GRAMD1A: variants seen among roughly 807,000 people sequenced by gnomAD.
GRAMD1A encodes the protein GRAM domain containing 1A.
In GRAMD1A, 50 loss-of-function variants were observed where a neutral mutation model predicts 92.0. The observed-to-expected ratio is 0.54, with a 90% CI of 0.43 to 0.69. The LOEUF (loss-of-function observed/expected upper bound fraction) is 0.69, where lower values mean the gene tolerates loss of function less well. GRAMD1A is among the 30% of genes least tolerant of loss of function. The pLI is 0.00. For missense variants in GRAMD1A, 819 were observed against 978.9 expected, an observed-to-expected ratio of 0.84 and a Z score of 2.18; for synonymous variants, 405 against 403.6, an observed-to-expected ratio of 1.00 and a Z score of -0.04.
intron 19 of GRAMD1A, chr19:35,024,774 C>T (rs1462118058): frequency 2.0e-5 from 3 of 152,104 alleles, no homozygotes; most frequent in Non-Finnish European, 4.4e-5. Flanking sequence ...TAGGCAGGGC[C>T]CCCCATCCTG....
At chr19:35,002,766 C>A (rs888989160) in intron 1 of GRAMD1A, 1 of 152,412 alleles carries the variant, frequency 6.6e-6, no homozygotes, top group Non-Finnish European at 1.5e-5. Context: ...AGTGCGGGCA[C>A]GGGAACAACT....
chr19:35,015,824 C>T lies in GRAMD1A; in HGVS notation c.1070C>T (p.Ala357Val), dbSNP rs368382914. ...SNSSSSTGEE[A>V]DLAALLPDLS... ...ATCCTCGGCTCTCCTCTGTCTCCAG[C>T]GGACTTGGCTGCCCTGCTTCCCGAC... Residue 357 changes from alanine to valine, a missense_variant and splice_region_variant, in exon 11 of 20, where the codon GCG becomes GTG. Around this residue, in one of 3 missense-constraint regions of GRAMD1A, gnomAD observed 577 missense variants for 674.6 expected, o/e 0.86. Coordinates refer to ENST00000317991, the MANE Select transcript of GRAMD1A (RefSeq NM_020895.5). 1.7e-5 allele frequency: 28 copies of T among 1,613,056 alleles called. No individual in the cohort carries two copies. Among genetic ancestry groups the T allele is most frequent in the South Asian group, 3.3e-5 (3 of 90,986 alleles).
At chr19:35,018,877 A>AGGCTGTGTGGAGCTCGG (rs1349873874) in intron 11 of GRAMD1A, among the ~76,000 whole-genome samples, 28 of 151,860 alleles carry the variant, frequency 1.8e-4, no homozygotes, top group African/African-American at 6.8e-4. Context: ...GGAGATGCTG[A>AGGCTGTGTGGAGCTCGG]GGCTGTGTGG....
chr19:35,015,793 G>C (rs766457367), intron 10 of GRAMD1A, 31 bp from the exon 11 acceptor site: 1 of 1,605,480 alleles, frequency 6.2e-7, no homozygotes. Context: ...AGTGGAGGCA[G>C]TCATCATCCT....
chr19:35,003,475 G>A (rs1243730283), intron 1 of GRAMD1A, among the ~76,000 whole-genome samples: 1 of 152,088 alleles, frequency 6.6e-6, no homozygotes, highest in African/African-American at 2.4e-5. Flanking sequence ...CGCAGGGTCC[G>A]CCCTTGAGTA....
chr19:35,016,393 G>A (rs1814753769), intron 11 of GRAMD1A, among the ~76,000 whole-genome samples: 1 of 150,022 alleles, frequency 6.7e-6, no homozygotes, highest in South Asian at 2.2e-4. Flanking sequence ...GGTCAGGAGT[G>A]TGAGACCAGC....
Position 35,023,343 on chromosome 19 carries a change from G to T in GRAMD1A, c.1961G>T (p.Gly654Val). The T allele has an allele frequency of 6.2e-7, 1 of 1,614,020 alleles. No individual in the cohort carries two copies. Among genetic ancestry groups the T allele is most frequent in the Non-Finnish European group, 8.5e-7 (1 of 1,179,862 alleles). Residue 654 changes from glycine (G) to valine (V), a missense_variant and splice_region_variant, in exon 18 of 20, where the codon GGC (glycine) becomes GTC (valine). By Grantham distance (109) the Gly-to-Val change is moderately radical. Transcript: ENST00000317991. ...ESWHSLALAK[G>V]KFPQTATEWA... ...TGGCACAGCCTGGCCCTGGCCAAGGGGTGAGTGGGTAGCCTGGGGAAATGG... is the reference window on the plus strand; with the variant it reads ...TGGCACAGCCTGGCCCTGGCCAAGGTGTGAGTGGGTAGCCTGGGGAAATGG...
chr19:34,995,111 T>G (rs7253477), intron 1 of GRAMD1A, among the ~76,000 whole-genome samples: 7,911 of 152,256 alleles, frequency 0.052, 240 homozygotes, highest in African/African-American at 0.072. Context: ...TTGTTTGTCT[T>G]GGGAGGGGCA....
In GRAMD1A at chr19:35,009,349, G is replaced by T; in HGVS notation, c.219+20G>T. ...AGCAAGGTTGGTGCAAGCCCAGGTG[G>T]GGTGGGGAGAGGGCTAGTGGGGGCT... On this transcript the variant is annotated intron_variant, in intron 2 of 19. Coordinates refer to ENST00000317991, the MANE Select transcript of GRAMD1A (RefSeq NM_020895.5). 2 of 1,613,754 alleles carry T rather than the reference G, an allele frequency of 1.2e-6. No homozygotes were observed. Among genetic ancestry groups the T allele is most frequent in the Non-Finnish European group, 1.7e-6 (2 of 1,179,680 alleles).
intron 13 of GRAMD1A, among the ~76,000 whole-genome samples, chr19:35,020,401 A>G (rs941000623): frequency 6.6e-6 from 1 of 151,958 alleles, no homozygotes; most frequent in African/African-American, 2.4e-5. Flanking sequence ...AGTCGGGGGT[A>G]GTGATGCACG....
chr19:35,000,577 G>C lies in GRAMD1A; in HGVS notation c.8+91G>C. On this transcript the variant is annotated intron_variant, in intron 1 of 19. Transcript: ENST00000317991. This position sits in a 1 kb window ranked among gnomAD's most constrained non-coding sequence, Gnocchi z 4.9. ...GCCGCGGGCTTGGGGAGGGGGCGGA[G>C]CGGCCGCTGCAGAGGTCGGGGGCCT... 2.9e-6 allele frequency: 3 copies of C among 1,045,014 alleles called. No homozygotes were observed. Among genetic ancestry groups the C allele is most frequent in the Non-Finnish European group, 3.6e-6 (3 of 822,352 alleles). The allele number at this position is 1,045,014 out of a possible 1,614,324, so 64.7% of individuals were successfully genotyped here.
At chr19:35,014,093 C>A in intron 9 of GRAMD1A, 96 bp from the exon 10 acceptor site, 1 of 1,178,688 alleles carries the variant, frequency 8.5e-7, no homozygotes, top group Non-Finnish European at 1.3e-6. Flanking sequence ...CACCCCGGGT[C>A]TGCACAGGCT....
chr19:35,023,137 T>C, intron 17 of GRAMD1A, 99 bp from the exon 18 acceptor site: 1 of 899,314 alleles, frequency 1.1e-6, no homozygotes, highest in Non-Finnish European at 1.9e-6. Flanking sequence ...TCTCCTCCTC[T>C]GCAATGGGGG....
chr19:35,020,835 A>G (rs2015998160), intron 13 of GRAMD1A, among the ~76,000 whole-genome samples: 2 of 152,112 alleles, frequency 1.3e-5, no homozygotes, highest in South Asian at 4.1e-4. Context: ...GACTGCAAAG[A>G]CAGGTACAGG....
intron 11 of GRAMD1A, among the ~76,000 whole-genome samples, chr19:35,017,592 C>G (rs2015734572): frequency 6.6e-6 from 1 of 152,144 alleles, no homozygotes; most frequent in South Asian, 2.1e-4. Context: ...CTCTCCATAC[C>G]TGGCTGCCCC....
At position 35,022,914 on chromosome 19, in the gene GRAMD1A, A is replaced by G; in HGVS notation, c.1853+3A>G. On this transcript the variant is annotated splice_donor_region_variant and intron_variant, in intron 17 of 19. Transcript: ENST00000317991. ...TGCTGCTGCAGGATCTGTGTGAGGT[A>G]GGGTCCCGAGTCCTCCCCCTGCCCT... is the stretch of plus-strand genomic sequence containing the variant. 6.3e-7 allele frequency: 1 copy of G among 1,599,208 alleles called. No homozygotes were observed.
At chr19:35,015,447 T>G (rs2015558336) in intron 10 of GRAMD1A, 1 of 174,950 alleles carries the variant, frequency 5.7e-6, no homozygotes, top group Admixed American at 6.3e-5. Context: ...AGAGTGTGCC[T>G]GCCCCTGAAC....
chr19:35,022,984 C>G, intron 17 of GRAMD1A, 73 bp downstream of exon 17: 2 of 1,205,338 alleles, frequency 1.7e-6, no homozygotes, highest in Non-Finnish European at 2.4e-6. Flanking sequence ...TCTCCCCACC[C>G]CATGCCCCCC....
intron 10 of GRAMD1A, chr19:35,015,030 T>C (rs1240959032): frequency 6.4e-6 from 1 of 155,858 alleles, no homozygotes. Context: ...TAGCCAGGCA[T>C]GGGGTCATGC....
Sources: allele counts gnomAD v4.1 joint callset (sites outside exome capture counted in the v4.1 genomes callset), GRCh38; gene constraint gnomAD v4.1.1; regional missense constraint gnomAD v4.1.1; non-coding constraint Gnocchi (gnomAD v3.1); transcripts MANE v1.5; gene names NCBI Gene and HGNC (gene_info 2026-07-23, HGNC 2026-07-21).